NEGR1: variants seen among roughly 807,000 people sequenced by gnomAD.
NEGR1 encodes neuronal growth regulator 1.
A neutral mutation model predicts 40.9 loss-of-function variants in NEGR1; 10 were observed. The observed-to-expected ratio is 0.24, with a 90% CI of 0.15 to 0.42. The LOEUF (loss-of-function observed/expected upper bound fraction) is 0.42, where lower values mean the gene tolerates loss of function less well. Among genes scored for constraint, NEGR1 ranks in the 10% least tolerant of loss-of-function variants. The probability of loss-of-function intolerance (pLI) is 1.00; values close to 1 mark genes in which losing one functional copy is unlikely to be tolerated. For missense variants in NEGR1, 352 were observed against 438.9 expected (o/e 0.80, Z 1.77); for synonymous variants, 185 against 166.8 (o/e 1.11, Z -0.84).
intron 4 of NEGR1, among the ~76,000 whole-genome samples, chr1:71,673,487 A>G (rs574144479): frequency 5.3e-5 from 8 of 152,090 alleles, no homozygotes; most frequent in Admixed American, 5.2e-4. Context: ...GATTTAATAT[A>G]AGAGACAGCT....
rs116881153 is a variant in NEGR1 at position 71,840,889 on chromosome 1, C to T, written c.410-64592G>A. On this transcript the variant is annotated intron_variant, in intron 2 of 6. Coordinates refer to ENST00000357731, the MANE Select transcript of NEGR1 (RefSeq NM_173808.3). ...CGGGCCCCATCCAATCAGCTGAAGG[C>T]CAGAATAGAACAAAAGATTAACCTC... 2.2e-3 allele frequency among the ~76,000 whole-genome samples: 331 copies of T among 152,180 alleles called. 5 individuals are homozygous for T. The East Asian group carries it at 0.023, about 11-fold the overall frequency.
chr1:72,140,565 C>A (rs143730672), intron 1 of NEGR1, among the ~76,000 whole-genome samples: 8 of 151,980 alleles, frequency 5.3e-5, no homozygotes, highest in Non-Finnish European at 1.5e-5. Context: ...CACTTCTTAA[C>A]GCTGTCACAG....
intron 6 of NEGR1, among the ~76,000 whole-genome samples, chr1:71,547,882 G>C (rs753441911): frequency 6.6e-6 from 1 of 151,708 alleles, no homozygotes; most frequent in Non-Finnish European, 1.5e-5. Context: ...TGAATTAAAA[G>C]AGTCACTGCA....
chr1:71,697,395 T>C (rs1179138533), intron 4 of NEGR1, among the ~76,000 whole-genome samples: 1 of 151,806 alleles, frequency 6.6e-6, no homozygotes, highest in Non-Finnish European at 1.5e-5. Context: ...AGGATGTTAC[T>C]GGAAAATCAT....
At chr1:71,585,342 T>A (rs923316028) in intron 6 of NEGR1, among the ~76,000 whole-genome samples, 3 of 152,116 alleles carry the variant, frequency 2.0e-5, no homozygotes, top group African/African-American at 4.8e-5. Context: ...ATATTATAAA[T>A]TGGTATGCTG....
intron 1 of NEGR1, among the ~76,000 whole-genome samples, chr1:72,231,621 C>T (rs2100498811): frequency 6.6e-6 from 1 of 151,964 alleles, no homozygotes. Context: ...ATTATTTTTC[C>T]CCAATGACTT....
chr1:71,738,848 G>A (rs1328880705), intron 3 of NEGR1, among the ~76,000 whole-genome samples: 2 of 151,910 alleles, frequency 1.3e-5, no homozygotes, highest in East Asian at 3.9e-4. Context: ...ACTGTTTTCT[G>A]TTTTAAATGT....
At chr1:71,823,433 T>C (rs1028712483) in intron 2 of NEGR1, among the ~76,000 whole-genome samples, 1 of 151,966 alleles carries the variant, frequency 6.6e-6, no homozygotes, top group African/African-American at 2.4e-5. Flanking sequence ...GAATTGAAGT[T>C]GAGAGGTAAA....
chr1:71,471,847 GT>G (rs1427100467), intron 6 of NEGR1, among the ~76,000 whole-genome samples: 1 of 152,052 alleles, frequency 6.6e-6, no homozygotes, highest in Non-Finnish European at 1.5e-5. Flanking sequence ...GTATTCCACA[GT>G]CCCTTCTTCA....
At chr1:71,938,488 T>G (rs993456382) in intron 1 of NEGR1, among the ~76,000 whole-genome samples, 1 of 151,490 alleles carries the variant, frequency 6.6e-6, no homozygotes, top group Non-Finnish European at 1.5e-5. Context: ...TGTACCTCCT[T>G]TTCATTCTCC....
In NEGR1 at chr1:72,268,111, AT is replaced by A. The variant is rs533486094; in HGVS notation, c.176+14207del. On this transcript the variant is annotated intron_variant, in intron 1 of 6. Coordinates refer to ENST00000357731, the MANE Select transcript of NEGR1 (RefSeq NM_173808.3). Reference sequence around the variant, plus strand: ...TTAAAAGAGGTGAACCTGAGACGTTATTAGGGAGCAAACAGAATACACCAAA... The same window carrying A: ...TTAAAAGAGGTGAACCTGAGACGTTATAGGGAGCAAACAGAATACACCAAA... 5.3e-5 allele frequency among the ~76,000 whole-genome samples: 8 copies of A among 151,440 alleles called. No individual in the cohort carries two copies. The South Asian group carries it at 1.7e-3, about 31-fold the overall frequency.
chr1:71,949,867 T>C (rs1043862409), intron 1 of NEGR1, among the ~76,000 whole-genome samples: 41 of 152,130 alleles, frequency 2.7e-4, no homozygotes, highest in African/African-American at 9.7e-4. Context: ...AACAAACTGC[T>C]TTCTGTCTTA....
intron 6 of NEGR1, among the ~76,000 whole-genome samples, chr1:71,477,896 T>TA (rs200025559): frequency 0.031 from 4,262 of 136,174 alleles, 79 homozygotes; most frequent in Non-Finnish European, 0.041. Context: ...CTTGGATTTT[T>TA]AAAAAAAAAA....
chr1:71,601,209 A>G (rs1206119926), intron 5 of NEGR1, among the ~76,000 whole-genome samples: 1 of 152,242 alleles, frequency 6.6e-6, no homozygotes, highest in Non-Finnish European at 1.5e-5. Flanking sequence ...CAACAAGCAT[A>G]CACAAAATGC....
intron 1 of NEGR1, among the ~76,000 whole-genome samples, chr1:72,056,146 C>T (rs181925518): frequency 1.5e-3 from 231 of 151,104 alleles, no homozygotes; most frequent in Middle Eastern, 0.014. Flanking sequence ...AGTGTAATTA[C>T]GTATAAGAAA....
At chr1:71,439,251 CTG>C (rs1646530716) in intron 6 of NEGR1, among the ~76,000 whole-genome samples, 1 of 152,108 alleles carries the variant, frequency 6.6e-6, no homozygotes, top group African/African-American at 2.4e-5. Flanking sequence ...AATCCCAAAA[CTG>C]AGAAAGGTTG....
intron 1 of NEGR1, among the ~76,000 whole-genome samples, chr1:72,166,323 A>T (rs1651762880): frequency 6.6e-6 from 1 of 152,102 alleles, no homozygotes; most frequent in Non-Finnish European, 1.5e-5. Flanking sequence ...ACCCTTGTAC[A>T]CTGTTGGTAG....
intron 1 of NEGR1, among the ~76,000 whole-genome samples, chr1:72,234,446 A>G (rs1654483232): frequency 6.6e-6 from 1 of 152,120 alleles, no homozygotes; most frequent in African/African-American, 2.4e-5. Context: ...TAATTAAACC[A>G]AGGAGCTTCT....
chr1:71,429,221 T>G (rs948429696), intron 6 of NEGR1, among the ~76,000 whole-genome samples: 1 of 152,310 alleles, frequency 6.6e-6, no homozygotes, highest in East Asian at 1.9e-4. Context: ...CTGAAAAAGT[T>G]ATTTCTAAAG....
Sources: allele counts gnomAD v4.1 joint callset (sites outside exome capture counted in the v4.1 genomes callset), GRCh38; gene constraint gnomAD v4.1.1; transcripts MANE v1.5; gene names NCBI Gene and HGNC (gene_info 2026-07-23, HGNC 2026-07-21).